The following FTO variants were observed in gnomAD, a reference collection of about 807,000 sequenced individuals.
The protein encoded by FTO is alpha-ketoglutarate-dependent dioxygenase FTO.
Under a neutral mutation model 63.9 loss-of-function variants are expected in FTO, and 47 were observed. That is an observed-to-expected ratio of 0.74 (90% CI 0.58 to 0.94). FTO has a LOEUF of 0.94. Ranked by LOEUF, FTO falls within the 40% of genes least tolerant of loss-of-function variation. FTO has a pLI of 0.00. For missense variants in FTO, 562 were observed against 618.1 expected, an observed-to-expected ratio of 0.91 and a Z score of 0.96; for synonymous variants, 207 against 224.4, an observed-to-expected ratio of 0.92 and a Z score of 0.69.
intron 2 of FTO, among the ~76,000 whole-genome samples, chr16:53,822,364 A>T (rs553520288): frequency 3.9e-5 from 6 of 152,266 alleles, no homozygotes; most frequent in African/African-American, 1.4e-4. Context: ...TCCTATCCAC[A>T]TATTTTTGAT....
rs1278288494 is a variant in FTO at position 54,120,805 on chromosome 16, C to A, written c.*8890C>A. On this transcript the variant is annotated 3_prime_UTR_variant, in exon 9 of 9. Transcript: ENST00000471389. ...CCAAATTTGAGCCCAGAAAGGAGAA[C>A]CTTTGTTACTCTAGAAAACAGTGTG... is the stretch of plus-strand genomic sequence containing the variant. The A allele has an allele frequency of 6.6e-6, 1 of 152,138 alleles. No individual in the cohort carries two copies. Among genetic ancestry groups the A allele is most frequent in the Non-Finnish European group, 1.5e-5 (1 of 68,026 alleles). The allele number at this position is 152,138 out of a possible 1,614,324, so 9.4% of individuals were successfully genotyped here.
intron 8 of FTO, among the ~76,000 whole-genome samples, chr16:53,987,307 G>A (rs983631702): frequency 1.3e-5 from 2 of 151,982 alleles, no homozygotes; most frequent in East Asian, 1.9e-4. Flanking sequence ...ACAGCCAGGC[G>A]CGGTGGCTCA....
chr16:53,948,600 C>T lies in FTO; in HGVS notation c.1364+14491C>T, dbSNP rs1007064651. 2.6e-5 allele frequency among the ~76,000 whole-genome samples: 4 copies of T among 152,174 alleles called. No homozygotes were observed. In the South Asian group the frequency reaches 6.2e-4, roughly 24 times the overall value. On this transcript the variant is annotated intron_variant, in intron 8 of 8. Coordinates refer to ENST00000471389, the MANE Select transcript of FTO (RefSeq NM_001080432.3). ...GCCAGGCAGCTGCTATCCAGCCTTGCGAGGAGGCAGGATCTATGTTAGTAG... is the reference window on the plus strand; with the variant it reads ...GCCAGGCAGCTGCTATCCAGCCTTGTGAGGAGGCAGGATCTATGTTAGTAG...
intron 7 of FTO, among the ~76,000 whole-genome samples, chr16:53,923,536 G>A (rs2082059146): frequency 6.6e-6 from 1 of 152,198 alleles, no homozygotes; most frequent in Non-Finnish European, 1.5e-5. Flanking sequence ...ACATTTAGTT[G>A]TACCTGTGCC....
chr16:53,769,993 G>A (rs1227317836), intron 1 of FTO, among the ~76,000 whole-genome samples: 2 of 152,010 alleles, frequency 1.3e-5, no homozygotes, highest in African/African-American at 2.4e-5. Context: ...CATCACTTCT[G>A]TTCACATTCC....
chr16:54,039,936 G>A (rs1346665016), intron 8 of FTO: 3 of 152,108 alleles, frequency 2.0e-5, no homozygotes, highest in African/African-American at 7.2e-5. Context: ...GTACAGAATT[G>A]CCATTGGTAC....
intron 1 of FTO, among the ~76,000 whole-genome samples, chr16:53,734,261 G>GT (rs910779734): frequency 3.9e-5 from 6 of 151,990 alleles, no homozygotes; most frequent in East Asian, 1.9e-4. Flanking sequence ...CTATTATTTG[G>GT]TTTTTTTTAT....
chr16:53,983,048 GGTAAA>G (rs1415801887), intron 8 of FTO, among the ~76,000 whole-genome samples: 2 of 152,022 alleles, frequency 1.3e-5, no homozygotes, highest in African/African-American at 2.4e-5. Flanking sequence ...AGCCTCACAT[GGTAAA>G]GTAATTACTG....
chr16:53,780,700 G>A (rs932748069), intron 1 of FTO, among the ~76,000 whole-genome samples: 21 of 152,114 alleles, frequency 1.4e-4, no homozygotes, highest in African/African-American at 3.6e-4. Flanking sequence ...TCATTAAATC[G>A]CTTGATGCAG....
At chr16:53,793,864 A>G (rs1038652168) in intron 1 of FTO, among the ~76,000 whole-genome samples, 1 of 152,264 alleles carries the variant, frequency 6.6e-6, no homozygotes, top group Non-Finnish European at 1.5e-5. Context: ...AATAAAGTAT[A>G]GATTCTTAGA....
intron 1 of FTO, among the ~76,000 whole-genome samples, chr16:53,804,804 C>T (rs933426539): frequency 2.6e-5 from 4 of 151,956 alleles, no homozygotes; most frequent in Middle Eastern, 3.4e-3. Flanking sequence ...TTGGTAGAGA[C>T]GGGGTTCCCT....
intron 8 of FTO, among the ~76,000 whole-genome samples, chr16:53,985,642 A>G (rs1441678954): frequency 1.3e-5 from 2 of 152,202 alleles, no homozygotes; most frequent in African/African-American, 4.8e-5. Context: ...CATCGAGAAA[A>G]TGAACGCCAA....
At chr16:53,881,639 A>G (rs2080838947) in intron 6 of FTO, among the ~76,000 whole-genome samples, 1 of 152,238 alleles carries the variant, frequency 6.6e-6, no homozygotes, top group Non-Finnish European at 1.5e-5. Context: ...CTGTGAGACC[A>G]GCAGGTCTGG....
Position 53,754,055 on chromosome 16 carries a change from G to A in FTO, c.45+49826G>A, listed in dbSNP as rs552291512. On this transcript the variant is annotated intron_variant, in intron 1 of 8. Coordinates refer to ENST00000471389, the MANE Select transcript of FTO (RefSeq NM_001080432.3). The stretch of plus-strand genomic sequence containing the variant: ...TTGGAGGTGTTCATGACTTATAGAA[G>A]CCCCACAGTTAGCCCTTTTATGATC... Among the ~76,000 whole-genome samples, 7 of 152,262 alleles carry A rather than the reference G, an allele frequency of 4.6e-5. No homozygotes were observed. In the East Asian group the frequency reaches 9.7e-4, roughly 21 times the overall value.
chr16:54,110,129 AC>A (rs1208907986), intron 8 of FTO, among the ~76,000 whole-genome samples: 2 of 152,158 alleles, frequency 1.3e-5, no homozygotes, highest in African/African-American at 4.8e-5. Context: ...ACAGAGATGC[AC>A]CCTCAGAACA....
At chr16:54,098,556 T>C (rs188526327) in intron 8 of FTO, among the ~76,000 whole-genome samples, 1 of 152,322 alleles carries the variant, frequency 6.6e-6, no homozygotes, top group East Asian at 1.9e-4. Flanking sequence ...AGCTGGCCTT[T>C]TATTCTGTAA....
intron 4 of FTO, among the ~76,000 whole-genome samples, chr16:53,866,183 G>A (rs1277055277): frequency 6.6e-6 from 1 of 152,110 alleles, no homozygotes; most frequent in Non-Finnish European, 1.5e-5. Flanking sequence ...GCTTGTTGGT[G>A]TGATAGATTA....
At chr16:53,717,251 G>A (rs946157801) in intron 1 of FTO, among the ~76,000 whole-genome samples, 11 of 151,966 alleles carry the variant, frequency 7.2e-5, no homozygotes, top group African/African-American at 2.7e-4. Context: ...ATTTAAAGAA[G>A]CAATATGTCA....
chr16:53,898,721 C>T (rs2081333131), intron 7 of FTO, among the ~76,000 whole-genome samples: 1 of 152,176 alleles, frequency 6.6e-6, no homozygotes, highest in South Asian at 2.1e-4. Context: ...ACTCTGTTGC[C>T]TAGGCTAGAG....
Sources: gnomAD v4.1 joint callset for allele counts (sites outside exome capture counted in the v4.1 genomes callset) on GRCh38, gnomAD v4.1.1 for gene constraint, MANE v1.5 for transcripts, NCBI Gene and HGNC (gene_info 2026-07-23, HGNC 2026-07-21) for gene names.